The following ARHGEF38 variants were observed in gnomAD, a reference collection of about 807,000 sequenced individuals.
ARHGEF38 encodes Rho guanine nucleotide exchange factor 38, also known as Rho guanine nucleotide exchange factor (GEF) 38.
A neutral mutation model predicts 79.9 loss-of-function variants in ARHGEF38; 79 were observed. The observed-to-expected ratio is 0.99, with a 90% CI of 0.82 to 1.19. The LOEUF (loss-of-function observed/expected upper bound fraction) is 1.19. Among genes scored for constraint, ARHGEF38 ranks in the 50% most tolerant of loss-of-function variants. ARHGEF38 has a pLI of 0.00. For synonymous variants in ARHGEF38, 366 were observed against 328.3 expected (o/e 1.11, Z -1.24); for missense variants, 962 against 907.2 (o/e 1.06, Z -0.78).
At chr4:105,573,483 T>C (rs1726335923) in intron 1 of ARHGEF38, among the ~76,000 whole-genome samples, 1 of 152,180 alleles carries the variant, frequency 6.6e-6, no homozygotes, top group Admixed American at 6.5e-5. Flanking sequence ...GTTGTAAAGA[T>C]TGTCTTTTCC....
intron 10 of ARHGEF38, among the ~76,000 whole-genome samples, chr4:105,665,535 C>A (rs183572138): frequency 6.6e-6 from 1 of 151,880 alleles, no homozygotes; most frequent in Non-Finnish European, 1.5e-5. Flanking sequence ...CTCCAGGGCT[C>A]GAGTGATCTT....
At chr4:105,576,407 CTTTTTT>C (rs35502329) in intron 1 of ARHGEF38, among the ~76,000 whole-genome samples, 2 of 128,366 alleles carry the variant, frequency 1.6e-5, no homozygotes, top group African/African-American at 5.7e-5. Flanking sequence ...TTCTTTTCTT[CTTTTTT>C]TTTTTTTTTT....
chr4:105,645,401 T>C lies in ARHGEF38; in HGVS notation c.874+14T>C, dbSNP rs1729798006. ...GGAAAGATTTAGGTAGGAAGAGACA[T>C]GATGAATTGGTTGTTTTCCATTATT... On this transcript the variant is annotated intron_variant, in intron 6 of 13. Transcript: ENST00000420470. The C allele has an allele frequency of 2.7e-6, 4 of 1,499,400 alleles. No individual in the cohort carries two copies. In the South Asian group the frequency reaches 5.2e-5, roughly 19 times the overall value. 92.9% of individuals were successfully genotyped at this position (1,499,400 alleles called of 1,614,324 possible).
At chr4:105,645,458 A>C in intron 6 of ARHGEF38, 71 bp downstream of exon 6, 1 of 1,285,828 alleles carries the variant, frequency 7.8e-7, no homozygotes, top group Non-Finnish European at 1.0e-6. Flanking sequence ...TGAGAATCAG[A>C]ATGTTTAAGT....
In ARHGEF38 at chr4:105,561,455, GAATA is replaced by G. The variant is rs1725571021; in HGVS notation, c.196+8495_196+8498del. 92 of 64,158 alleles carry G rather than the reference GAATA, an allele frequency of 1.4e-3. 1 individual carries two copies. The highest frequency in any genetic ancestry group is 5.4e-3 in the South Asian group (8 of 1,484). 4.0% of individuals were successfully genotyped at this position (64,158 alleles called of 1,614,324 possible). A position where few individuals can be genotyped will look rare whatever the true frequency, so the allele number is the denominator to read the frequency against. ...GAATAGAATAGAATAGAATGGAATA[GAATA>G]GAATAGAATAGAATAGAATAGAATA... is the stretch of plus-strand genomic sequence containing the variant. On this transcript the variant is annotated intron_variant, in intron 1 of 13. Coordinates refer to ENST00000420470, the MANE Select transcript of ARHGEF38 (RefSeq NM_001242729.2).
At chr4:105,558,355 G>A (rs1725353564) in intron 1 of ARHGEF38, among the ~76,000 whole-genome samples, 1 of 152,138 alleles carries the variant, frequency 6.6e-6, no homozygotes, top group South Asian at 2.1e-4. Context: ...AGCTTCCTGT[G>A]CATGTTTCTA....
intron 2 of ARHGEF38, among the ~76,000 whole-genome samples, chr4:105,611,421 T>G (rs1368406321): frequency 6.6e-6 from 1 of 152,020 alleles, no homozygotes; most frequent in Non-Finnish European, 1.5e-5. Flanking sequence ...GTGGATTTAA[T>G]TAATACCCAA....
intron 7 of ARHGEF38, among the ~76,000 whole-genome samples, chr4:105,650,583 T>C (rs1730059792): frequency 6.6e-6 from 1 of 152,198 alleles, no homozygotes; most frequent in South Asian, 2.1e-4. Flanking sequence ...TTTACTCCTA[T>C]CTTCTGCCAC....
intron 13 of ARHGEF38, among the ~76,000 whole-genome samples, chr4:105,673,001 A>C (rs546670894): frequency 8.5e-5 from 13 of 152,218 alleles, no homozygotes; most frequent in African/African-American, 2.9e-4. Context: ...GGAGGCCTGA[A>C]TGCACTTCAA....
intron 3 of ARHGEF38, among the ~76,000 whole-genome samples, chr4:105,617,393 T>C (rs1256116320): frequency 2.0e-5 from 3 of 152,198 alleles, no homozygotes; most frequent in Non-Finnish European, 4.4e-5. Context: ...AAGTAAAAAC[T>C]GTAGTGAAAA....
At chr4:105,628,194 C>T (rs1172486043) in intron 3 of ARHGEF38, among the ~76,000 whole-genome samples, 12 of 152,278 alleles carry the variant, frequency 7.9e-5, no homozygotes, top group African/African-American at 2.9e-4. Context: ...AATTTGATCA[C>T]CTTGTGGATT....
At chr4:105,632,783 G>C (rs1230120161) in intron 4 of ARHGEF38, 2 of 152,240 alleles carry the variant, frequency 1.3e-5, no homozygotes, top group Admixed American at 1.3e-4. Flanking sequence ...TGCCTGAAAA[G>C]AATGTGGTGC....
intron 10 of ARHGEF38, among the ~76,000 whole-genome samples, chr4:105,660,434 C>CTT (rs561329360): frequency 1.5e-4 from 21 of 139,910 alleles, no homozygotes; most frequent in African/African-American, 5.5e-4. Context: ...CTTCCTCATT[C>CTT]TTTTTTTTTT....
intron 13 of ARHGEF38, among the ~76,000 whole-genome samples, chr4:105,676,011 A>G (rs1268539440): frequency 6.6e-6 from 1 of 152,228 alleles, no homozygotes; most frequent in African/African-American, 2.4e-5. Context: ...TTCCTTGGGG[A>G]GCAGCTCATA....
intron 1 of ARHGEF38, among the ~76,000 whole-genome samples, chr4:105,564,977 C>T (rs1725816289): frequency 6.6e-6 from 1 of 152,170 alleles, no homozygotes; most frequent in Non-Finnish European, 1.5e-5. Context: ...TAAATAAAAA[C>T]ATTTTCTGAA....
chr4:105,627,267 A>T (rs1439777239), intron 3 of ARHGEF38, among the ~76,000 whole-genome samples: 3 of 152,126 alleles, frequency 2.0e-5, no homozygotes, highest in Non-Finnish European at 2.9e-5. Flanking sequence ...GGACAAGGAG[A>T]TCCCTTGAAA....
intron 1 of ARHGEF38, among the ~76,000 whole-genome samples, chr4:105,564,162 TACAG>T (rs1341337627): frequency 1.3e-5 from 2 of 152,204 alleles, no homozygotes; most frequent in Non-Finnish European, 2.9e-5. Flanking sequence ...CAGGAGATTT[TACAG>T]ACAATCTATT....
At chr4:105,609,529 A>C (rs1211595118) in intron 2 of ARHGEF38, among the ~76,000 whole-genome samples, 1 of 152,096 alleles carries the variant, frequency 6.6e-6, no homozygotes, top group Non-Finnish European at 1.5e-5. Context: ...TATCCATTCT[A>C]CCTAAAGCAA....
intron 9 of ARHGEF38, among the ~76,000 whole-genome samples, chr4:105,656,721 G>A (rs191412460): frequency 6.6e-6 from 1 of 152,220 alleles, no homozygotes; most frequent in Admixed American, 6.5e-5. Flanking sequence ...TCTTCATGGA[G>A]TGGCCTTTTG....
Sources: gnomAD v4.1 joint callset for allele counts (sites outside exome capture counted in the v4.1 genomes callset) on GRCh38, gnomAD v4.1.1 for gene constraint, MANE v1.5 for transcripts, NCBI Gene and HGNC (gene_info 2026-07-23, HGNC 2026-07-21) for gene names.